RASSF3: variants seen among roughly 807,000 people sequenced by gnomAD.
RASSF3 encodes ras association domain-containing protein 3.
Under a neutral mutation model 19.9 loss-of-function variants are expected in RASSF3, and 19 were observed. The ratio of observed to expected loss-of-function variants is 0.96; its 90% CI spans 0.67 to 1.40. RASSF3 has a LOEUF of 1.40. RASSF3 is among the 40% of genes most tolerant of loss of function. The pLI is 0.00. For missense variants in RASSF3, 306 were observed against 289.8 expected (o/e 1.06, Z -0.41); for synonymous variants, 110 against 104.2 (o/e 1.06, Z -0.34).
chr12:64,580,222 C>T (rs1592407184), intron 2 of RASSF3, among the ~76,000 whole-genome samples: 1 of 152,116 alleles, frequency 6.6e-6, no homozygotes, highest in Non-Finnish European at 1.5e-5. Flanking sequence ...ATATTATTCA[C>T]ACTTTGGATT....
chr12:64,614,494 A>G (rs955839110), intron 1 of RASSF3, among the ~76,000 whole-genome samples: 5 of 152,060 alleles, frequency 3.3e-5, no homozygotes, highest in African/African-American at 1.2e-4. Flanking sequence ...TGAAACATTA[A>G]CTTAATGAAA....
intron 1 of RASSF3, among the ~76,000 whole-genome samples, chr12:64,645,258 G>T (rs377477772): frequency 6.6e-6 from 1 of 152,158 alleles, no homozygotes; most frequent in East Asian, 1.9e-4. Context: ...TGTATTAAGT[G>T]ATGAATATGT....
intron 1 of RASSF3, among the ~76,000 whole-genome samples, chr12:64,631,570 TG>T (rs1871168725): frequency 6.6e-6 from 1 of 151,620 alleles, no homozygotes; most frequent in African/African-American, 2.4e-5. Flanking sequence ...TATGTATGTA[TG>T]TATGTATGTA....
chr12:64,577,997 T>G (rs1220636858), intron 2 of RASSF3, among the ~76,000 whole-genome samples: 1 of 151,574 alleles, frequency 6.6e-6, no homozygotes, highest in African/African-American at 2.4e-5. Flanking sequence ...GGTGGGCAGA[T>G]TACTTGAGGT....
intron 1 of RASSF3, among the ~76,000 whole-genome samples, chr12:64,678,680 A>G (rs980114004): frequency 1.3e-5 from 2 of 151,154 alleles, no homozygotes; most frequent in Non-Finnish European, 3.0e-5. Context: ...ACAAAAACCC[A>G]AAAACCTCTT....
intron 1 of RASSF3, among the ~76,000 whole-genome samples, chr12:64,660,913 C>T (rs1240878384): frequency 1.3e-5 from 2 of 152,098 alleles, no homozygotes; most frequent in Non-Finnish European, 2.9e-5. Context: ...TCCCATCTTC[C>T]CACTGGAGCA....
rs189815098 is a variant in RASSF3 at position 64,663,667 on chromosome 12, G to A, written c.112-21120G>A. Among the ~76,000 whole-genome samples, 40 of 151,716 alleles carry A rather than the reference G, an allele frequency of 2.6e-4. No homozygotes were observed. The East Asian group carries it at 5.1e-3, about 19-fold the overall frequency. Reference sequence around the variant, plus strand: ...ACTACAGGCACATGCCACCATGCCCGGCTAATTTTTGTATTTTTACTAGAG... The same window carrying A: ...ACTACAGGCACATGCCACCATGCCCAGCTAATTTTTGTATTTTTACTAGAG... On this transcript the variant is annotated intron_variant, in intron 1 of 4. Coordinates refer to ENST00000542104, the MANE Select transcript of RASSF3 (RefSeq NM_178169.4).
chr12:64,558,167 CAA>C (rs766299381), intron 2 of RASSF3, among the ~76,000 whole-genome samples: 5 of 152,162 alleles, frequency 3.3e-5, no homozygotes, highest in Non-Finnish European at 5.9e-5. Flanking sequence ...GTTGGACATT[CAA>C]AGTCAGCAGT....
chr12:64,516,998 CA>C (rs371430838), intron 1 of RASSF3, among the ~76,000 whole-genome samples: 1,631 of 52,042 alleles, frequency 0.031, 14 homozygotes, highest in African/African-American at 0.097. Flanking sequence ...AAATCTGTCT[CA>C]AAAAAAAAAA....
intron 1 of RASSF3, among the ~76,000 whole-genome samples, chr12:64,620,300 A>G (rs1870707721): frequency 6.6e-6 from 1 of 152,174 alleles, no homozygotes; most frequent in Non-Finnish European, 1.5e-5. Context: ...TGAATAATAT[A>G]TCCATTGTAT....
At chr12:64,613,391 G>C (rs1870440413) in intron 1 of RASSF3, among the ~76,000 whole-genome samples, 1 of 151,184 alleles carries the variant, frequency 6.6e-6, no homozygotes, top group Non-Finnish European at 1.5e-5. Flanking sequence ...GGAAAAGTGA[G>C]AAAAATGAGG....
chr12:64,615,380 C>T (rs1253510817), intron 1 of RASSF3, among the ~76,000 whole-genome samples: 4 of 152,246 alleles, frequency 2.6e-5, no homozygotes, highest in South Asian at 2.1e-4. Context: ...TCTTGAGAAA[C>T]GTGAAATTGT....
At chr12:64,579,415 G>C (rs867992394) in intron 2 of RASSF3, among the ~76,000 whole-genome samples, 10 of 144,854 alleles carry the variant, frequency 6.9e-5, no homozygotes, top group Non-Finnish European at 1.1e-4. Context: ...GCCGTGGCGC[G>C]ATCTCAGCTC....
intron 1 of RASSF3, among the ~76,000 whole-genome samples, chr12:64,646,314 G>A (rs549030402): frequency 6.6e-6 from 1 of 152,226 alleles, no homozygotes; most frequent in African/African-American, 2.4e-5. Context: ...TTAGACTGAC[G>A]TACATGCCCA....
At chr12:64,670,622 T>C (rs1872672793) in intron 1 of RASSF3, among the ~76,000 whole-genome samples, 1 of 151,544 alleles carries the variant, frequency 6.6e-6, no homozygotes. Flanking sequence ...ACTTGCATGG[T>C]CCTTAGGAGA....
Position 64,555,894 on chromosome 12 carries a change from A to G in RASSF3, c.294+14189A>G, listed in dbSNP as rs1469272111. On this transcript the variant is annotated intron_variant, in intron 2 of 5. Transcript: ENST00000637125. ...CATAAAGAGATCTATTAAAAAAAAG[A>G]AAAAAGAAAAAGTCTCCCCCTTAAA... 2.6e-5 allele frequency among the ~76,000 whole-genome samples: 4 copies of G among 152,292 alleles called. No homozygotes were observed. In the East Asian group the frequency reaches 7.7e-4, roughly 29 times the overall value.
At chr12:64,584,342 G>C (rs1211951372) in intron 2 of RASSF3, among the ~76,000 whole-genome samples, 1 of 151,978 alleles carries the variant, frequency 6.6e-6, no homozygotes, top group Non-Finnish European at 1.5e-5. Flanking sequence ...GGGGAAGAGG[G>C]ACCTTTCATT....
At chr12:64,657,710 A>G (rs1192034710) in intron 1 of RASSF3, among the ~76,000 whole-genome samples, 1 of 152,246 alleles carries the variant, frequency 6.6e-6, no homozygotes, top group African/African-American at 2.4e-5. Flanking sequence ...GCACAGGAGC[A>G]GGATAAAACT....
chr12:64,616,914 A>G (rs1037700782), intron 1 of RASSF3, among the ~76,000 whole-genome samples: 3 of 152,140 alleles, frequency 2.0e-5, no homozygotes, highest in African/African-American at 4.8e-5. Flanking sequence ...TCTCCTTAAC[A>G]TGTCGACTCA....
Sources: allele counts gnomAD v4.1 joint callset (sites outside exome capture counted in the v4.1 genomes callset), GRCh38; gene constraint gnomAD v4.1.1; transcripts MANE v1.5; gene names NCBI Gene and HGNC (gene_info 2026-07-23, HGNC 2026-07-21).